The following IP6K1 variants were observed in gnomAD, a reference collection of about 807,000 sequenced individuals.
IP6K1 encodes the protein inositol hexakisphosphate kinase 1.
In IP6K1, 13 loss-of-function variants were observed where a neutral mutation model predicts 38.3. The ratio of observed to expected loss-of-function variants is 0.34; its 90% confidence interval spans 0.22 to 0.54. The LOEUF (loss-of-function observed/expected upper bound fraction) is 0.54. Among genes scored for constraint, IP6K1 ranks in the 20% least tolerant of loss-of-function variants. The pLI, the probability that IP6K1 is intolerant of heterozygous loss-of-function variation, is 0.92. For synonymous variants in IP6K1, 212 were observed against 229.9 expected, an observed-to-expected ratio of 0.92 and a Z score of 0.70; for missense variants, 397 against 599.8, an observed-to-expected ratio of 0.66 and a Z score of 3.53.
chr3:49,747,827 C>G lies in IP6K1; in HGVS notation c.214G>C (p.Glu72Gln). 1 of 1,614,160 alleles carries G rather than the reference C, an allele frequency of 6.2e-7. No homozygotes were observed. Among genetic ancestry groups the G allele is most frequent in the Non-Finnish European group, 8.5e-7 (1 of 1,180,016 alleles). Reference sequence around the variant, plus strand: ...CTGGCCAGTGACTGACCTTTGTATTCAGGGGTGAACTCCTTCATTTCGGGA... The same window carrying G: ...CTGGCCAGTGACTGACCTTTGTATTGAGGGGTGAACTCCTTCATTTCGGGA... ...LPPEMKEFTP[E>Q]YKGVVSVCFE... is the part of the protein sequence containing the mutation. Residue 72 changes from glutamate (E) to glutamine (Q), a missense_variant, in exon 2 of 6, where the codon GAA (glutamate) becomes CAA (glutamine). Around this residue, in one of 3 missense-constraint regions of IP6K1, gnomAD observed 171 missense variants for 237.0 expected, o/e 0.72. Coordinates refer to ENST00000321599, the MANE Select transcript of IP6K1 (RefSeq NM_153273.4).
intron 1 of IP6K1, among the ~76,000 whole-genome samples, chr3:49,765,877 T>TA (rs927957417): frequency 2.4e-4 from 35 of 143,232 alleles, no homozygotes; most frequent in Non-Finnish European, 4.2e-4. Flanking sequence ...ACCCCATATC[T>TA]AAAAAAAAAA....
At chr3:49,764,134 C>T (rs964958215) in intron 1 of IP6K1, among the ~76,000 whole-genome samples, 8 of 151,844 alleles carry the variant, frequency 5.3e-5, no homozygotes, top group Non-Finnish European at 1.2e-4. Flanking sequence ...TGTAATTGCA[C>T]ACTTTGGGAG....
chr3:49,745,670 C>A (rs9815766), intron 2 of IP6K1, among the ~76,000 whole-genome samples: 1 of 151,880 alleles, frequency 6.6e-6, no homozygotes, highest in Non-Finnish European at 1.5e-5. Flanking sequence ...GCTTGCCCAA[C>A]ATGGTGAAAC....
intron 1 of IP6K1, among the ~76,000 whole-genome samples, chr3:49,783,599 G>C (rs1333711817): frequency 2.0e-5 from 3 of 151,866 alleles, no homozygotes; most frequent in East Asian, 3.9e-4. Context: ...TATAGTCCCA[G>C]CTATTTGGGA....
intron 1 of IP6K1, among the ~76,000 whole-genome samples, chr3:49,752,841 C>T (rs927272654): frequency 6.6e-6 from 1 of 151,500 alleles, no homozygotes; most frequent in South Asian, 2.1e-4. Flanking sequence ...GCAACCTCCA[C>T]CTCCTGGGTT....
chr3:49,729,924 G>T (rs546319977), intron 4 of IP6K1, among the ~76,000 whole-genome samples: 2 of 151,840 alleles, frequency 1.3e-5, no homozygotes, highest in South Asian at 4.2e-4. Context: ...ACAGAGTCTT[G>T]CTCTGTCACC....
At position 49,725,905 on chromosome 3, in the gene IP6K1, T is replaced by G. The variant is rs1049256; in HGVS notation, c.*1217A>C. ...AGGCAACACCTGTGGAGGAAGGGCA[T>G]GGGGCAAAAGCTCACCTCAGAAGTG... is the stretch of plus-strand genomic sequence containing the variant. On this transcript the variant is annotated 3_prime_UTR_variant, in exon 6 of 6. Coordinates refer to ENST00000321599, the MANE Select transcript of IP6K1 (RefSeq NM_153273.4). The G allele has an allele frequency of 6.6e-6, 1 of 152,038 alleles. No homozygotes were observed. The highest frequency in any genetic ancestry group is 6.6e-5 in the Admixed American group (1 of 15,266). The allele number at this position is 152,038 out of a possible 1,614,324, so 9.4% of individuals were successfully genotyped here.
At chr3:49,728,365 C>T in intron 4 of IP6K1, 87 bp from the exon 5 acceptor site, 4 of 1,314,646 alleles carry the variant, frequency 3.0e-6, no homozygotes, top group Non-Finnish European at 4.3e-6. Flanking sequence ...TAAAAGGGGG[C>T]TTTTACCTAA....
At chr3:49,751,920 ACTC>A (rs2080780519) in intron 1 of IP6K1, among the ~76,000 whole-genome samples, 1 of 152,178 alleles carries the variant, frequency 6.6e-6, no homozygotes, top group South Asian at 2.1e-4. Flanking sequence ...ATAATAACAA[ACTC>A]CTTGAACATA....
At chr3:49,734,657 G>A (rs921648581) in intron 3 of IP6K1, among the ~76,000 whole-genome samples, 1 of 152,068 alleles carries the variant, frequency 6.6e-6, no homozygotes, top group African/African-American at 2.4e-5. Context: ...AGTGCCTCTC[G>A]GAATGATAAA....
chr3:49,772,224 AAT>A (rs368746245), intron 1 of IP6K1, among the ~76,000 whole-genome samples: 11,256 of 142,858 alleles, frequency 0.079, 519 homozygotes, highest in Non-Finnish European at 0.088. Context: ...TAAAAAAAAA[AAT>A]ATATATATAT....
At chr3:49,770,915 G>A (rs559071305) in intron 1 of IP6K1, among the ~76,000 whole-genome samples, 2 of 151,952 alleles carry the variant, frequency 1.3e-5, no homozygotes, top group African/African-American at 4.8e-5. Context: ...TTCAGGATCA[G>A]CCTGGGCAAA....
chr3:49,768,637 G>A (rs2080931351), intron 1 of IP6K1, among the ~76,000 whole-genome samples: 2 of 152,120 alleles, frequency 1.3e-5, no homozygotes, highest in Non-Finnish European at 2.9e-5. Context: ...GGCCGTGGTG[G>A]CGGGCACCTG....
intron 3 of IP6K1, among the ~76,000 whole-genome samples, chr3:49,733,221 A>T (rs753756057): frequency 6.6e-6 from 1 of 151,716 alleles, no homozygotes; most frequent in Non-Finnish European, 1.5e-5. Context: ...TATGTGATGA[A>T]AATACCACTT....
chr3:49,731,534 A>G (rs2080561514), intron 4 of IP6K1, among the ~76,000 whole-genome samples: 1 of 151,966 alleles, frequency 6.6e-6, no homozygotes, highest in Non-Finnish European at 1.5e-5. Flanking sequence ...ACCACTCACT[A>G]CCTCTAGGCA....
intron 1 of IP6K1, among the ~76,000 whole-genome samples, chr3:49,758,094 G>A (rs1360694943): frequency 1.3e-5 from 2 of 151,956 alleles, no homozygotes; most frequent in Non-Finnish European, 2.9e-5. Flanking sequence ...TGGATCACGA[G>A]GTCAGGAGAT....
intron 1 of IP6K1, among the ~76,000 whole-genome samples, chr3:49,781,164 T>A (rs568459440): frequency 6.6e-6 from 1 of 151,818 alleles, no homozygotes; most frequent in East Asian, 1.9e-4. Flanking sequence ...CAGGTTCAAG[T>A]GATTCTACTG....
At chr3:49,770,337 A>G (rs2080946170) in intron 1 of IP6K1, among the ~76,000 whole-genome samples, 1 of 152,222 alleles carries the variant, frequency 6.6e-6, no homozygotes, top group Non-Finnish European at 1.5e-5. Flanking sequence ...TGGGGGAAAA[A>G]GAAACACCAG....
intron 1 of IP6K1, among the ~76,000 whole-genome samples, chr3:49,769,831 AAAAC>A (rs1415464070): frequency 7.2e-5 from 11 of 152,188 alleles, no homozygotes; most frequent in South Asian, 2.1e-4. Flanking sequence ...GGAAAATTTA[AAAAC>A]AAACAAACAA....
Sources: allele counts gnomAD v4.1 joint callset (sites outside exome capture counted in the v4.1 genomes callset), GRCh38; gene constraint gnomAD v4.1.1; regional missense constraint gnomAD v4.1.1; transcripts MANE v1.5; gene names NCBI Gene and HGNC (gene_info 2026-07-23, HGNC 2026-07-21).